Variants in LSAMP observed in about 807,000 individuals in gnomAD.
The protein encoded by LSAMP is limbic system-associated membrane protein.
A neutral mutation model predicts 38.6 loss-of-function variants in LSAMP; 7 were observed. The ratio of observed to expected loss-of-function variants is 0.18; its 90% CI spans 0.10 to 0.34. The LOEUF is 0.34. Among genes scored for constraint, LSAMP ranks in the 10% least tolerant of loss-of-function variants. The pLI is 1.00. For missense variants in LSAMP, 313 were observed against 420.0 expected (o/e 0.75, Z 2.23); for synonymous variants, 154 against 166.8 (o/e 0.92, Z 0.59).
intron 1 of LSAMP, among the ~76,000 whole-genome samples, chr3:116,375,532 A>G (rs75722750): frequency 6.6e-6 from 1 of 151,892 alleles, no homozygotes; most frequent in Non-Finnish European, 1.5e-5. Flanking sequence ...GATTTTTTTT[A>G]TATGCTTGAG....
chr3:116,204,606 A>G (rs1342240864), intron 1 of LSAMP, among the ~76,000 whole-genome samples: 2 of 152,004 alleles, frequency 1.3e-5, no homozygotes, highest in Non-Finnish European at 2.9e-5. Context: ...ATCCAGTTTC[A>G]TCTTTCTCCA....
Position 116,262,919 on chromosome 3 carries a change from T to C in LSAMP, c.156-176363A>G, listed in dbSNP as rs970392239. On this transcript the variant is annotated intron_variant, in intron 1 of 6. Transcript: ENST00000490035. ...AGGTGAAGGGATTGAGGACTTCAGA[T>C]ACATTCATAGAAACTGTTTTCCTGA... 1.5e-4 allele frequency among the ~76,000 whole-genome samples: 23 copies of C among 152,214 alleles called. 1 individual carries two copies. Among genetic ancestry groups the C allele is most frequent in the African/African-American group, 5.1e-4 (21 of 41,458 alleles).
At chr3:115,944,726 A>C (rs1938039072) in intron 3 of LSAMP, among the ~76,000 whole-genome samples, 1 of 152,290 alleles carries the variant, frequency 6.6e-6, no homozygotes, top group South Asian at 2.1e-4. Context: ...CCAATGAGTT[A>C]AGATCCTGTT....
At chr3:116,381,687 G>A (rs1249768639) in intron 1 of LSAMP, among the ~76,000 whole-genome samples, 4 of 152,042 alleles carry the variant, frequency 2.6e-5, no homozygotes, top group Non-Finnish European at 5.9e-5. Flanking sequence ...GCTACTTAGG[G>A]TTATGTTGCT....
intron 1 of LSAMP, among the ~76,000 whole-genome samples, chr3:116,249,758 A>G (rs904968361): frequency 2.6e-5 from 4 of 152,080 alleles, no homozygotes; most frequent in Non-Finnish European, 5.9e-5. Context: ...ATTTTCAGCA[A>G]AATCAATAAT....
At chr3:116,421,796 T>C (rs575493883) in intron 1 of LSAMP, among the ~76,000 whole-genome samples, 1 of 152,306 alleles carries the variant, frequency 6.6e-6, no homozygotes, top group African/African-American at 2.4e-5. Context: ...TCGACAAGTA[T>C]ATGAAAAACC....
chr3:116,216,952 T>C (rs532590200), intron 1 of LSAMP, among the ~76,000 whole-genome samples: 3 of 152,318 alleles, frequency 2.0e-5, no homozygotes, highest in Admixed American at 6.5e-5. Context: ...GATGGTTTAG[T>C]GGTTAAGATA....
chr3:116,402,247 T>C, intron 1 of LSAMP, among the ~76,000 whole-genome samples: 1 of 152,216 alleles, frequency 6.6e-6, no homozygotes, highest in East Asian at 1.9e-4. Flanking sequence ...TAGACATTAG[T>C]ACATCCATTC....
At chr3:116,179,169 T>C (rs973777081) in intron 1 of LSAMP, among the ~76,000 whole-genome samples, 1 of 152,224 alleles carries the variant, frequency 6.6e-6, no homozygotes, top group African/African-American at 2.4e-5. Context: ...CTAAGGCTTC[T>C]TTCTGTCTGC....
At chr3:116,271,881 A>G (rs967259179) in intron 1 of LSAMP, among the ~76,000 whole-genome samples, 5 of 152,086 alleles carry the variant, frequency 3.3e-5, no homozygotes, top group Non-Finnish European at 7.4e-5. Flanking sequence ...CTAAGAATAG[A>G]AGGAAGTAAA....
intron 1 of LSAMP, among the ~76,000 whole-genome samples, chr3:116,218,628 C>G (rs1406820669): frequency 6.6e-6 from 1 of 152,102 alleles, no homozygotes; most frequent in Non-Finnish European, 1.5e-5. Flanking sequence ...TGGACTACCT[C>G]TCCCTTTTAC....
At chr3:115,957,540 A>G (rs1431482390) in intron 3 of LSAMP, among the ~76,000 whole-genome samples, 4 of 152,144 alleles carry the variant, frequency 2.6e-5, no homozygotes, top group African/African-American at 9.7e-5. Flanking sequence ...GGACATTAGG[A>G]CAACAGCTAA....
At chr3:115,810,888 C>CGGGGGGAGG (rs371284470) in intron 6 of LSAMP, among the ~76,000 whole-genome samples, 89 of 152,182 alleles carry the variant, frequency 5.8e-4, no homozygotes, top group African/African-American at 2.0e-3. Context: ...CCTCTGTCCC[C>CGGGGGGAGG]GGGGGGAGGC....
At chr3:116,274,114 A>AAAG (rs1475141037) in intron 1 of LSAMP, among the ~76,000 whole-genome samples, 3 of 152,048 alleles carry the variant, frequency 2.0e-5, no homozygotes, top group African/African-American at 7.2e-5. Flanking sequence ...TACTATTTTC[A>AAAG]AAGTTAACAT....
chr3:116,203,221 T>A (rs1251475893), intron 1 of LSAMP, among the ~76,000 whole-genome samples: 1 of 152,162 alleles, frequency 6.6e-6, no homozygotes, highest in Non-Finnish European at 1.5e-5. Context: ...AATATTTAAT[T>A]TCACCATTAG....
chr3:115,953,084 T>C (rs1196988597), intron 3 of LSAMP, among the ~76,000 whole-genome samples: 1 of 152,170 alleles, frequency 6.6e-6, no homozygotes, highest in Non-Finnish European at 1.5e-5. Flanking sequence ...GAGCTTCTTC[T>C]CAGCCACTGC....
chr3:116,044,992 C>G lies in LSAMP; in HGVS notation c.389-25352G>C, dbSNP rs564036015. Reference sequence around the variant, plus strand: ...ACCCAGGCTGCCATTTCTGAAAAAGCTTTGTAGCAAATGTCAGACGTTTTG... The same window carrying G: ...ACCCAGGCTGCCATTTCTGAAAAAGGTTTGTAGCAAATGTCAGACGTTTTG... On this transcript the variant is annotated intron_variant, in intron 2 of 6. Coordinates refer to ENST00000490035, the MANE Select transcript of LSAMP (RefSeq NM_002338.5). Among the ~76,000 whole-genome samples the G allele has an allele frequency of 1.3e-4, 20 of 152,268 alleles. 2 individuals are homozygous for G. The South Asian group carries it at 2.1e-3, about 16-fold the overall frequency.
chr3:116,048,668 T>C (rs1048816291), intron 2 of LSAMP, among the ~76,000 whole-genome samples: 4 of 152,214 alleles, frequency 2.6e-5, no homozygotes, highest in Non-Finnish European at 5.9e-5. Flanking sequence ...ATTTAGTACT[T>C]ATTACGTATT....
intron 2 of LSAMP, among the ~76,000 whole-genome samples, chr3:116,083,045 T>C (rs1029903010): frequency 4.6e-5 from 7 of 152,010 alleles, no homozygotes; most frequent in Admixed American, 2.6e-4. Context: ...AGAAGCTCTC[T>C]AGAATCCTAA....
Sources: gnomAD v4.1 joint callset for allele counts (sites outside exome capture counted in the v4.1 genomes callset) on GRCh38, gnomAD v4.1.1 for gene constraint, MANE v1.5 for transcripts, NCBI Gene and HGNC (gene_info 2026-07-23, HGNC 2026-07-21) for gene names.